The following ABHD12 variants were observed in gnomAD, a reference collection of about 807,000 sequenced individuals.
ABHD12 encodes lysophosphatidylserine lipase ABHD12.
ABHD12 carries 43 observed loss-of-function variants against 58.3 expected under a neutral mutation model. The ratio of observed to expected loss-of-function variants is 0.74; its 90% confidence interval spans 0.58 to 0.95. The LOEUF (loss-of-function observed/expected upper bound fraction) is 0.95. ABHD12 is among the 40% of genes least tolerant of loss of function. ABHD12 has a pLI of 0.00. For missense variants in ABHD12, 539 were observed against 537.2 expected, an observed-to-expected ratio of 1.00 and a Z score of -0.03; for synonymous variants, 219 against 211.2, an observed-to-expected ratio of 1.04 and a Z score of -0.32.
chr20:25,324,222 G>A (rs1261604749), intron 2 of ABHD12, among the ~76,000 whole-genome samples: 2 of 152,158 alleles, frequency 1.3e-5, no homozygotes, highest in Non-Finnish European at 2.9e-5. Context: ...GACTGTGGGT[G>A]CGGGTGCGGT....
At chr20:25,386,753 T>C (rs1485179957) in intron 1 of ABHD12, among the ~76,000 whole-genome samples, 1 of 151,816 alleles carries the variant, frequency 6.6e-6, no homozygotes, top group African/African-American at 2.4e-5. Flanking sequence ...TGGTGGCAGG[T>C]GCCTGTAATC....
intron 7 of ABHD12, among the ~76,000 whole-genome samples, chr20:25,308,770 C>T (rs887099785): frequency 5.9e-5 from 9 of 152,192 alleles, no homozygotes; most frequent in African/African-American, 1.7e-4. Flanking sequence ...TCCCATTGGC[C>T]GGGCCGCCTG....
downstream of ABHD12, chr20:25,297,975 T>TAAA (rs1568705135): frequency 6.6e-6 from 1 of 152,244 alleles, no homozygotes; most frequent in South Asian, 2.1e-4. Context: ...CCTTGTGAGA[T>TAAA]AAAAACTGAT....
chr20:25,320,385 C>G (rs534274038), intron 3 of ABHD12, 67 bp from the exon 4 acceptor site: 1 of 1,602,478 alleles, frequency 6.2e-7, no homozygotes. Context: ...GGCGACTGCA[C>G]GTGGTGTTAC....
chr20:25,314,800 C>G (rs2088929320), intron 6 of ABHD12, 125 bp downstream of exon 6: 2 of 1,083,194 alleles, frequency 1.8e-6, no homozygotes, highest in East Asian at 4.7e-5. Context: ...ACCCAGGACA[C>G]CATCACAGCA....
chr20:25,367,449 G>A (rs750779889), intron 1 of ABHD12, among the ~76,000 whole-genome samples: 28 of 152,138 alleles, frequency 1.8e-4, no homozygotes, highest in South Asian at 1.5e-3. Flanking sequence ...CCATTTTCAC[G>A]TGTACAGTTC....
intron 6 of ABHD12, among the ~76,000 whole-genome samples, chr20:25,311,031 C>G (rs1157706481): frequency 6.6e-6 from 1 of 152,172 alleles, no homozygotes; most frequent in African/African-American, 2.4e-5. Flanking sequence ...GAGGGCAAAC[C>G]ACTTCCTTGC....
intron 11 of ABHD12, 161 bp downstream of exon 11, chr20:25,303,389 G>C (rs1195503374): frequency 1.7e-5 from 26 of 1,519,698 alleles, no homozygotes; most frequent in Non-Finnish European, 2.3e-5. Flanking sequence ...AGGTGACGCA[G>C]GGAGGATGAG....
At chr20:25,319,377 A>G (rs2089023449) in intron 4 of ABHD12, among the ~76,000 whole-genome samples, 1 of 152,206 alleles carries the variant, frequency 6.6e-6, no homozygotes, top group South Asian at 2.1e-4. Context: ...TGATTAACCA[A>G]AGAGTGCATG....
chr20:25,368,802 C>G, intron 1 of ABHD12: 1 of 659,926 alleles, frequency 1.5e-6, no homozygotes, highest in Non-Finnish European at 2.7e-6. Context: ...GCGGTGGCAT[C>G]TGCAAAGCCT....
intron 1 of ABHD12, among the ~76,000 whole-genome samples, chr20:25,341,325 T>C (rs947725889): frequency 2.6e-5 from 4 of 152,216 alleles, no homozygotes; most frequent in Admixed American, 2.6e-4. Context: ...GACAAGGCCA[T>C]TGGACTGACA....
chr20:25,361,400 T>C (rs2089745440), intron 1 of ABHD12, among the ~76,000 whole-genome samples: 1 of 151,256 alleles, frequency 6.6e-6, no homozygotes, highest in Non-Finnish European at 1.5e-5. Flanking sequence ...TATGCGTGTT[T>C]TTTGTTTTTT....
chr20:25,310,929 G>C (rs997554864), intron 6 of ABHD12, among the ~76,000 whole-genome samples: 5 of 152,200 alleles, frequency 3.3e-5, no homozygotes, highest in Non-Finnish European at 7.3e-5. Flanking sequence ...CAGAAGTGCG[G>C]GGAGATGAAT....
intron 12 of ABHD12, among the ~76,000 whole-genome samples, chr20:25,301,204 C>G (rs2088629660): frequency 6.6e-6 from 1 of 152,198 alleles, no homozygotes; most frequent in Non-Finnish European, 1.5e-5. Flanking sequence ...AACCGCAAAG[C>G]AAACCCATAC....
chr20:25,311,639 T>C lies in ABHD12; in HGVS notation c.620-2064A>G, dbSNP rs192460478. ...CACGCCACCTGCCCCCACAAGAAGG[T>C]GAAGGCAGCCAGCCACGTTGCCATC... On this transcript the variant is annotated intron_variant, in intron 6 of 12. Transcript: ENST00000339157. Among the ~76,000 whole-genome samples the C allele has an allele frequency of 5.8e-3, 884 of 152,256 alleles. 12 individuals carry two copies. The highest frequency in any genetic ancestry group is 5.9e-3 in the Non-Finnish European group (398 of 68,014).
intron 2 of ABHD12, among the ~76,000 whole-genome samples, chr20:25,337,685 A>G (rs1013978131): frequency 1.3e-5 from 2 of 152,230 alleles, no homozygotes; most frequent in African/African-American, 2.4e-5. Context: ...AAGGTAGAAA[A>G]GCCATGAGGG....
intron 2 of ABHD12, among the ~76,000 whole-genome samples, chr20:25,337,054 G>A (rs2089383740): frequency 1.3e-5 from 2 of 152,336 alleles, no homozygotes; most frequent in South Asian, 4.1e-4. Context: ...TTGAGCCCAG[G>A]AGTTTGAGGC....
chr20:25,368,910 T>C (rs2089861816), intron 1 of ABHD12: 2 of 404,614 alleles, frequency 4.9e-6, no homozygotes, highest in Non-Finnish European at 9.4e-6. Flanking sequence ...GATTGCTTAA[T>C]TCATGAGTTT....
At chr20:25,381,923 G>T (rs1268074411) in intron 1 of ABHD12, among the ~76,000 whole-genome samples, 3 of 152,156 alleles carry the variant, frequency 2.0e-5, no homozygotes, top group Non-Finnish European at 4.4e-5. Context: ...CTCCCAAAGT[G>T]CTGGGATTAC....
Sources: allele counts gnomAD v4.1 joint callset (sites outside exome capture counted in the v4.1 genomes callset), GRCh38; gene constraint gnomAD v4.1.1; transcripts MANE v1.5; gene names NCBI Gene and HGNC (gene_info 2026-07-23, HGNC 2026-07-21).